Variants in KCNU1 observed in about 807,000 individuals in gnomAD.
KCNU1 encodes potassium calcium-activated channel subfamily U member 1.
In KCNU1, 93 loss-of-function variants were observed where a neutral mutation model predicts 126.8. The observed-to-expected ratio is 0.73, with a 90% CI of 0.62 to 0.87. KCNU1 has a LOEUF of 0.87. KCNU1 is among the 40% of genes least tolerant of loss of function. The probability of loss-of-function intolerance (pLI) is 0.00; values close to 1 mark genes in which losing one functional copy is unlikely to be tolerated. For synonymous variants in KCNU1, 523 were observed against 494.2 expected (o/e 1.06, Z -0.77); for missense variants, 1,330 against 1,367.1 (o/e 0.97, Z 0.43).
intron 2 of KCNU1, 127 bp from the exon 3 acceptor site, chr8:36,803,900 A>G (rs1803401760): frequency 5.7e-6 from 4 of 705,054 alleles, no homozygotes; most frequent in Admixed American, 4.5e-5. Context: ...GAATACTAAC[A>G]TAAGTGAATA....
At chr8:36,800,837 T>G (rs1206347597) in intron 2 of KCNU1, among the ~76,000 whole-genome samples, 2 of 152,192 alleles carry the variant, frequency 1.3e-5, no homozygotes, top group East Asian at 3.9e-4. Flanking sequence ...AAAGTGTTAT[T>G]GGAAGGAAAG....
chr8:36,928,252 G>A (rs1292950084), intron 24 of KCNU1, among the ~76,000 whole-genome samples: 1 of 152,056 alleles, frequency 6.6e-6, no homozygotes, highest in Non-Finnish European at 1.5e-5. Flanking sequence ...AATATGTAAA[G>A]CACATGTTTT....
intron 10 of KCNU1, among the ~76,000 whole-genome samples, chr8:36,827,328 C>T (rs565013788): frequency 6.6e-6 from 1 of 152,224 alleles, no homozygotes; most frequent in African/African-American, 2.4e-5. Flanking sequence ...TTTTGTTATG[C>T]CAGTTTATAT....
chr8:36,900,437 A>G (rs1807368414), intron 19 of KCNU1, among the ~76,000 whole-genome samples: 1 of 152,130 alleles, frequency 6.6e-6, no homozygotes, highest in Non-Finnish European at 1.5e-5. Flanking sequence ...ATTAAATCAT[A>G]ATATGGCCAT....
chr8:36,894,071 T>C (rs1430679042), intron 19 of KCNU1, among the ~76,000 whole-genome samples: 2 of 152,090 alleles, frequency 1.3e-5, no homozygotes. Flanking sequence ...CCACTGAGTA[T>C]TTGTGATATC....
chr8:36,912,101 C>T (rs1367488959), intron 22 of KCNU1, among the ~76,000 whole-genome samples: 8 of 152,184 alleles, frequency 5.3e-5, no homozygotes, highest in African/African-American at 1.7e-4. Flanking sequence ...GTATCAAGAT[C>T]AGGTACTCAA....
At chr8:36,911,925 T>C (rs1807890028) in intron 22 of KCNU1, among the ~76,000 whole-genome samples, 1 of 152,212 alleles carries the variant, frequency 6.6e-6, no homozygotes, top group East Asian at 1.9e-4. Flanking sequence ...GCTTATACAT[T>C]AGTCTATTTC....
chr8:36,895,314 AGTAAT>A (rs1345437928), intron 19 of KCNU1, among the ~76,000 whole-genome samples: 5 of 151,998 alleles, frequency 3.3e-5, no homozygotes, highest in Non-Finnish European at 7.4e-5. Context: ...CCTGGCCTTA[AGTAAT>A]CTGCCCCCCT....
Position 36,905,766 on chromosome 8 carries a change from C to A in KCNU1, c.2068C>A (p.His690Asn). Reference protein sequence around the residue: ...SDQLDSSGMFHWCKPTSLDKV... With the variant: ...SDQLDSSGMFNWCKPTSLDKV... ...CCAGCTTGATAGCAGTGGGATGTTT[C>A]ACTGGTGCAAACCAACCTCTTTGGA... Residue 690 changes from histidine to asparagine, a missense_variant, in exon 20 of 27, where the codon CAC becomes AAC. Coordinates refer to ENST00000399881, the MANE Select transcript of KCNU1 (RefSeq NM_001031836.3). The A allele has an allele frequency of 6.2e-7, 1 of 1,602,262 alleles. No homozygotes were observed. The highest frequency in any genetic ancestry group is 8.5e-7 in the Non-Finnish European group (1 of 1,172,566).
chr8:36,799,741 C>T (rs1803237456), intron 2 of KCNU1, among the ~76,000 whole-genome samples: 1 of 151,578 alleles, frequency 6.6e-6, no homozygotes, highest in Non-Finnish European at 1.5e-5. Flanking sequence ...GGGGTTTCAC[C>T]ATTTGGTCAG....
chr8:36,799,972 A>G (rs1009543121), intron 2 of KCNU1, among the ~76,000 whole-genome samples: 13 of 152,140 alleles, frequency 8.5e-5, no homozygotes, highest in African/African-American at 2.7e-4. Flanking sequence ...AATTTTGTCA[A>G]TCACATTCCC....
At chr8:36,826,488 G>A (rs1027015514) in intron 10 of KCNU1, among the ~76,000 whole-genome samples, 1 of 152,170 alleles carries the variant, frequency 6.6e-6, no homozygotes. Context: ...GGGATTACAG[G>A]TGTGAGCCAC....
chr8:36,923,358 C>A (rs369325830), intron 24 of KCNU1, among the ~76,000 whole-genome samples: 1 of 151,984 alleles, frequency 6.6e-6, no homozygotes, highest in Non-Finnish European at 1.5e-5. Context: ...CAGAGGGATG[C>A]CAATTAAAGG....
At chr8:36,889,816 A>G (rs1806883982) in intron 19 of KCNU1, among the ~76,000 whole-genome samples, 1 of 152,116 alleles carries the variant, frequency 6.6e-6, no homozygotes, top group Non-Finnish European at 1.5e-5. Context: ...ACAACTATGC[A>G]TATCATATTC....
Position 36,918,896 on chromosome 8 carries a change from G to T in KCNU1, c.2595G>T (p.Leu865=), listed in dbSNP as rs750305785. The part of the protein sequence containing the change: ...NCRKVPILTE[L]KNPSNIHFIE... ...GAAAAGTCCCTATCCTTACTGAACT[G>T]AGTAAGTGGTGTTTCGAGGGGAAAA... The change falls in exon 23 of 27, where the codon CTG becomes CTT. Residue 865 remains leucine (L), a splice_region_variant and synonymous_variant. Coordinates refer to ENST00000399881, the MANE Select transcript of KCNU1 (RefSeq NM_001031836.3). 1.9e-6 allele frequency: 3 copies of T among 1,575,672 alleles called. No individual in the cohort carries two copies. The highest frequency in any genetic ancestry group is 2.6e-6 in the Non-Finnish European group (3 of 1,146,214).
chr8:36,790,107 C>A (rs987359530), intron 2 of KCNU1, among the ~76,000 whole-genome samples: 2 of 152,066 alleles, frequency 1.3e-5, no homozygotes, highest in African/African-American at 2.4e-5. Context: ...AAGGAACTGT[C>A]AAAAGTAAGC....
chr8:36,935,873 G>A lies in KCNU1; in HGVS notation c.3403G>A (p.Asp1135Asn). 1 of 1,610,884 alleles carries A rather than the reference G, an allele frequency of 6.2e-7. No individual in the cohort carries two copies. The highest frequency in any genetic ancestry group is 1.1e-5 in the South Asian group (1 of 90,580). The stretch of plus-strand genomic sequence containing the variant: ...AAAAGAAAATGAAAGGAAAACTTCA[G>A]ATGAGGTTTATGATGAGGATCCCTT... ...NAKENERKTS[D>N]EVYDEDPFAY... Residue 1135 changes from aspartate (D) to asparagine (N), a missense_variant, in exon 27 of 27, where the codon GAT becomes AAT. Asp to Asn is a conservative substitution (Grantham distance 23). This residue lies in a region of KCNU1 where 1,054 missense variants were observed against 1,053.9 expected (regional missense o/e 1.00). Coordinates refer to ENST00000399881, the MANE Select transcript of KCNU1 (RefSeq NM_001031836.3).
intron 26 of KCNU1, among the ~76,000 whole-genome samples, chr8:36,934,393 G>A (rs1193842742): frequency 1.3e-5 from 2 of 151,930 alleles, no homozygotes; most frequent in African/African-American, 2.4e-5. Context: ...AAGGTGCCAT[G>A]GCTTTATAGT....
intron 10 of KCNU1, among the ~76,000 whole-genome samples, chr8:36,822,328 C>T (rs979543359): frequency 5.3e-5 from 8 of 151,954 alleles, no homozygotes; most frequent in East Asian, 1.9e-4. Context: ...CTAGCTCAGT[C>T]GAGGCAGCAC....
Sources: gnomAD v4.1 joint callset for allele counts (sites outside exome capture counted in the v4.1 genomes callset) on GRCh38, gnomAD v4.1.1 for gene constraint, gnomAD v4.1.1 regional missense constraint, MANE v1.5 for transcripts, NCBI Gene and HGNC (gene_info 2026-07-23, HGNC 2026-07-21) for gene names.